RERE: variants seen among roughly 807,000 people sequenced by gnomAD.
RERE encodes arginine-glutamic acid dipeptide repeats.
A neutral mutation model predicts 146.1 loss-of-function variants in RERE; 40 were observed. That is an observed-to-expected ratio of 0.27 (90% CI 0.21 to 0.36). The LOEUF is 0.36. RERE is among the 10% of genes least tolerant of loss of function. The pLI, the probability that RERE is intolerant of heterozygous loss-of-function variation, is 1.00. For synonymous variants in RERE, 1,003 were observed against 866.0 expected, an observed-to-expected ratio of 1.16 and a Z score of -2.78; for missense variants, 1,933 against 2,138.7, an observed-to-expected ratio of 0.90 and a Z score of 1.90.
chr1:8,515,448 A>G (rs1645401598), intron 7 of RERE, among the ~76,000 whole-genome samples: 1 of 151,316 alleles, frequency 6.6e-6, no homozygotes. Context: ...CCTGGACAAC[A>G]TGGTGAAACC....
intron 6 of RERE, among the ~76,000 whole-genome samples, chr1:8,545,683 TTC>T (rs1326550976): frequency 8.3e-5 from 12 of 145,084 alleles, no homozygotes; most frequent in African/African-American, 2.7e-4. Flanking sequence ...TAATAAAAAA[TTC>T]TTTTTTTTTT....
chr1:8,733,836 C>A (rs1640141467), intron 1 of RERE, among the ~76,000 whole-genome samples: 1 of 152,220 alleles, frequency 6.6e-6, no homozygotes, highest in South Asian at 2.1e-4. Context: ...TGTGGCTGGG[C>A]ACGGTGGCTC....
chr1:8,619,087 G>T (rs1262771992), intron 3 of RERE, among the ~76,000 whole-genome samples: 1 of 152,148 alleles, frequency 6.6e-6, no homozygotes, highest in African/African-American at 2.4e-5. Flanking sequence ...TAAATAACTT[G>T]GCCCCCACAT....
At chr1:8,366,904 GAAAAAAAAAAACAA>G in intron 12 of RERE, among the ~76,000 whole-genome samples, 1 of 25,530 alleles carries the variant, frequency 3.9e-5, no homozygotes, top group South Asian at 1.1e-3. Flanking sequence ...ACCTAGAACT[GAAAAAAAAAAACAA>G]AAAAAAAAAA....
intron 2 of RERE, among the ~76,000 whole-genome samples, chr1:8,644,490 G>A (rs1269439894): frequency 1.3e-5 from 2 of 152,260 alleles, no homozygotes; most frequent in East Asian, 3.9e-4. Context: ...ATTGCCCTTT[G>A]TGTTATGTGA....
At chr1:8,606,517 A>T (rs11807953) in intron 4 of RERE, among the ~76,000 whole-genome samples, 3,882 of 152,298 alleles carry the variant, frequency 0.025, 144 homozygotes, top group African/African-American at 0.088. Context: ...TCCTCATTTT[A>T]TGAATGTTTT....
At chr1:8,816,204 G>A (rs1434238796) in intron 1 of RERE, among the ~76,000 whole-genome samples, 1 of 152,112 alleles carries the variant, frequency 6.6e-6, no homozygotes, top group African/African-American at 2.4e-5. Flanking sequence ...TGTCTATTTT[G>A]TAATTCACCA....
At chr1:8,469,514 G>C (rs1398721002) in intron 10 of RERE, among the ~76,000 whole-genome samples, 1 of 152,194 alleles carries the variant, frequency 6.6e-6, no homozygotes, top group South Asian at 2.1e-4. Context: ...AGCTATTCGG[G>C]AGGCTGAGGC....
Position 8,640,210 on chromosome 1 carries a change from T to C in RERE, c.325+15763A>G, listed in dbSNP as rs115645866. 8.6e-3 allele frequency among the ~76,000 whole-genome samples: 1,306 copies of C among 151,982 alleles called. 17 individuals are homozygous for C. Among genetic ancestry groups the C allele is most frequent in the African/African-American group, 0.03 (1,252 of 41,496 alleles). ...GAAATTATGCTAAAAATCTGTATCA[T>C]AAACTCACTCCACTTTCCCTTTCTA... On this transcript the variant is annotated intron_variant, in intron 2 of 22. Transcript: ENST00000400908.
intron 1 of RERE, among the ~76,000 whole-genome samples, chr1:8,716,720 G>C (rs745725586): frequency 2.1e-4 from 32 of 151,694 alleles, no homozygotes; most frequent in Non-Finnish European, 4.1e-4. Context: ...GTTCCCAGAA[G>C]ATCTTTGCTA....
chr1:8,409,176 C>G (rs1643543259), intron 12 of RERE, among the ~76,000 whole-genome samples: 1 of 152,196 alleles, frequency 6.6e-6, no homozygotes, highest in Admixed American at 6.5e-5. Context: ...TGTCTCAAAA[C>G]CAGCAGAGGG....
chr1:8,365,700 G>T, intron 13 of RERE, 112 bp downstream of exon 13: 1 of 1,223,026 alleles, frequency 8.2e-7, no homozygotes, highest in Non-Finnish European at 1.2e-6. Flanking sequence ...GAGCACGGGT[G>T]CACACCCCCT....
chr1:8,628,941 CTTTT>C (rs1262387307), intron 2 of RERE, among the ~76,000 whole-genome samples: 4 of 152,256 alleles, frequency 2.6e-5, no homozygotes, highest in South Asian at 4.1e-4. Flanking sequence ...GCATATACTT[CTTTT>C]TTTATTAGAA....
intron 12 of RERE, among the ~76,000 whole-genome samples, chr1:8,417,834 G>A (rs1383896475): frequency 6.6e-6 from 1 of 152,190 alleles, no homozygotes; most frequent in African/African-American, 2.4e-5. Flanking sequence ...TTCCAACCAT[G>A]CTCATGTACT....
chr1:8,401,071 A>ATATATATATATG (rs1643250326), intron 12 of RERE, among the ~76,000 whole-genome samples: 1 of 110,424 alleles, frequency 9.1e-6, no homozygotes, highest in African/African-American at 3.1e-5. Flanking sequence ...ATATATATAT[A>ATATATATATATG]TGTCACTTAA....
chr1:8,525,904 T>C (rs145337544), intron 7 of RERE: 96 of 1,412,720 alleles, frequency 6.8e-5, no homozygotes, highest in Middle Eastern at 1.8e-4. Context: ...AGAGACCTCA[T>C]AGAGCTTTCA....
At chr1:8,711,519 A>G (rs1639667802) in intron 1 of RERE, among the ~76,000 whole-genome samples, 1 of 152,248 alleles carries the variant, frequency 6.6e-6, no homozygotes, top group Non-Finnish European at 1.5e-5. Context: ...TGCAGATCAA[A>G]TTATTAAATT....
intron 4 of RERE, among the ~76,000 whole-genome samples, chr1:8,581,188 C>A (rs2124055983): frequency 6.6e-6 from 1 of 152,258 alleles, no homozygotes. Context: ...ATTCTAGAGG[C>A]TGTTTTGGGG....
At chr1:8,718,874 G>A (rs1189451517) in intron 1 of RERE, among the ~76,000 whole-genome samples, 2 of 152,184 alleles carry the variant, frequency 1.3e-5, no homozygotes, top group African/African-American at 4.8e-5. Flanking sequence ...GCAAGGCCTT[G>A]GATGGAGTGC....
Sources: gnomAD v4.1 joint callset for allele counts (sites outside exome capture counted in the v4.1 genomes callset) on GRCh38, gnomAD v4.1.1 for gene constraint, MANE v1.5 for transcripts, NCBI Gene and HGNC (gene_info 2026-07-23, HGNC 2026-07-21) for gene names.